APPBP2: variants seen among roughly 807,000 people sequenced by gnomAD.
The protein encoded by APPBP2 is amyloid protein-binding protein 2.
A neutral mutation model predicts 76.0 loss-of-function variants in APPBP2; 15 were observed. The ratio of observed to expected loss-of-function variants is 0.20; its 90% confidence interval spans 0.13 to 0.30. The LOEUF is 0.30. APPBP2 is among the 10% of genes least tolerant of loss of function. The probability of loss-of-function intolerance (pLI) is 1.00; values close to 1 mark genes in which losing one functional copy is unlikely to be tolerated. For synonymous variants in APPBP2, 222 were observed against 242.2 expected (o/e 0.92, Z 0.77); for missense variants, 401 against 687.2 (o/e 0.58, Z 4.66).
At chr17:60,466,006 T>C (rs894752651) in intron 5 of APPBP2, among the ~76,000 whole-genome samples, 1 of 152,118 alleles carries the variant, frequency 6.6e-6, no homozygotes, top group African/African-American at 2.4e-5. Context: ...TGCGGCTAAT[T>C]TTCTATAGAG....
At chr17:60,467,964 T>C (rs150244341) in intron 4 of APPBP2, among the ~76,000 whole-genome samples, 25 of 152,296 alleles carry the variant, frequency 1.6e-4, no homozygotes, top group Admixed American at 1.0e-3. Context: ...CAAGATTTTA[T>C]AGCACCTTGC....
At chr17:60,450,231 G>A (rs1230666478) in intron 12 of APPBP2, among the ~76,000 whole-genome samples, 1 of 151,784 alleles carries the variant, frequency 6.6e-6, no homozygotes, top group Non-Finnish European at 1.5e-5. Context: ...GAGGTTAAGA[G>A]ATTGAGATCA....
chr17:60,504,691 G>C (rs73328501), intron 1 of APPBP2, among the ~76,000 whole-genome samples: 12,498 of 152,182 alleles, frequency 0.082, 1,700 homozygotes, highest in African/African-American at 0.28. Flanking sequence ...CGTGTCCCAG[G>C]TACTTGGGAA....
At chr17:60,508,949 T>C (rs2090890152) in intron 1 of APPBP2, among the ~76,000 whole-genome samples, 1 of 152,194 alleles carries the variant, frequency 6.6e-6, no homozygotes. Flanking sequence ...AATGTGTTTC[T>C]TAACAAGTAA....
chr17:60,462,271 T>C, intron 6 of APPBP2: 2 of 499,848 alleles, frequency 4.0e-6, no homozygotes, highest in Non-Finnish European at 7.0e-6. Flanking sequence ...AATTATAAAG[T>C]TTAAAATTTT....
chr17:60,450,634 C>T (rs191876249), intron 12 of APPBP2, among the ~76,000 whole-genome samples: 25 of 150,938 alleles, frequency 1.7e-4, no homozygotes, highest in South Asian at 4.2e-4. Flanking sequence ...AAAAATTAGC[C>T]GGGTGTGCTG....
chr17:60,451,889 T>C lies in APPBP2; in HGVS notation c.1495A>G (p.Ile499Val), dbSNP rs749107575. Residue 499 changes from isoleucine to valine, a missense_variant, in exon 12 of 13, where the codon ATA becomes GTA. Ile to Val is a conservative substitution (Grantham distance 29). Transcript: ENST00000083182. The part of the protein sequence containing the change: ...ENAEKLYLRS[I>V]AIGKKLFGEG... ...TTTAAATGTAACATACCAATTGCTA[T>C]AGATCGCAAATAAAGTTTCTCAGCA... is the stretch of plus-strand genomic sequence containing the variant. The C allele has an allele frequency of 8.1e-6, 13 of 1,607,372 alleles. No individual in the cohort carries two copies. The Admixed American group carries it at 1.4e-4, about 17-fold the overall frequency.
intron 1 of APPBP2, among the ~76,000 whole-genome samples, chr17:60,507,397 C>T (rs965889625): frequency 2.6e-5 from 4 of 151,926 alleles, no homozygotes; most frequent in African/African-American, 9.7e-5. Flanking sequence ...AATTTTTATA[C>T]TTTTAGTAGA....
At chr17:60,451,441 T>C (rs959261688) in intron 12 of APPBP2, among the ~76,000 whole-genome samples, 6 of 152,094 alleles carry the variant, frequency 3.9e-5, no homozygotes, top group Admixed American at 6.6e-5. Flanking sequence ...TTTAAATCTA[T>C]TTTATTTTAT....
At chr17:60,477,501 C>T (rs944323143) in intron 4 of APPBP2, 2 of 151,848 alleles carry the variant, frequency 1.3e-5, no homozygotes, top group South Asian at 2.1e-4. Flanking sequence ...ATGTAGTCTC[C>T]TATTCCTAAA....
chr17:60,518,776 T>C (rs77734713), intron 1 of APPBP2, among the ~76,000 whole-genome samples: 11,872 of 151,934 alleles, frequency 0.078, 1,555 homozygotes, highest in African/African-American at 0.27. Flanking sequence ...AGTTCTCAGA[T>C]TACAAGAGTA....
intron 1 of APPBP2, among the ~76,000 whole-genome samples, chr17:60,504,834 T>C (rs2090853906): frequency 6.6e-6 from 1 of 152,092 alleles, no homozygotes; most frequent in South Asian, 2.1e-4. Context: ...AACACCTATG[T>C]TCTAAGAAAA....
chr17:60,495,755 T>A (rs1424254265), intron 2 of APPBP2, among the ~76,000 whole-genome samples: 1 of 152,100 alleles, frequency 6.6e-6, no homozygotes, highest in Non-Finnish European at 1.5e-5. Flanking sequence ...AAAAAGTTAA[T>A]CATAGGGTTA....
At chr17:60,491,982 A>G (rs935997289) in intron 3 of APPBP2, among the ~76,000 whole-genome samples, 3 of 152,146 alleles carry the variant, frequency 2.0e-5, no homozygotes, top group Non-Finnish European at 4.4e-5. Context: ...CCTAGGAGGA[A>G]AAAATGGTTT....
intron 1 of APPBP2, among the ~76,000 whole-genome samples, chr17:60,511,312 C>T (rs985491986): frequency 4.6e-5 from 7 of 152,030 alleles, no homozygotes; most frequent in Admixed American, 3.9e-4. Context: ...TTCTGCCGGG[C>T]GCGGTGGCTC....
In APPBP2 at chr17:60,486,639, CTT is replaced by C. The variant is rs2090680618; in HGVS notation, c.380-7370_380-7369del. ...TACAGCACACTGATGGGTTTTGCGT[CTT>C]TATCCAGTTTGCCAGTCTGTGTCTT... is the stretch of plus-strand genomic sequence containing the variant. On this transcript the variant is annotated intron_variant, in intron 3 of 12. Transcript: ENST00000083182. 2.0e-5 allele frequency among the ~76,000 whole-genome samples: 3 copies of C among 152,082 alleles called. No individual in the cohort carries two copies. The South Asian group carries it at 6.2e-4, about 31-fold the overall frequency.
intron 2 of APPBP2, among the ~76,000 whole-genome samples, chr17:60,499,726 C>T (rs1363872967): frequency 6.6e-6 from 1 of 152,114 alleles, no homozygotes; most frequent in South Asian, 2.1e-4. Context: ...GGAATATAAT[C>T]TAGCCATAAA....
chr17:60,450,844 ACAAG>A (rs1335832841), intron 12 of APPBP2, among the ~76,000 whole-genome samples: 1 of 152,160 alleles, frequency 6.6e-6, no homozygotes, highest in Admixed American at 6.6e-5. Context: ...CCATTAGGAA[ACAAG>A]CAAGAATAAG....
intron 3 of APPBP2, among the ~76,000 whole-genome samples, chr17:60,487,866 A>C (rs2090693298): frequency 2.0e-5 from 3 of 152,198 alleles, no homozygotes; most frequent in Admixed American, 2.0e-4. Flanking sequence ...ATGGTGACCT[A>C]CAGGTGGGGT....
Sources: gnomAD v4.1 joint callset for allele counts (sites outside exome capture counted in the v4.1 genomes callset) on GRCh38, gnomAD v4.1.1 for gene constraint, MANE v1.5 for transcripts, NCBI Gene and HGNC (gene_info 2026-07-23, HGNC 2026-07-21) for gene names.